Variants in FGF10 observed in about 807,000 individuals in gnomAD.
The protein encoded by FGF10 is fibroblast growth factor 10, also known as FGF-10.
A neutral mutation model predicts 19.8 loss-of-function variants in FGF10; 2 were observed. The ratio of observed to expected loss-of-function variants is 0.10; its 90% CI spans 0.04 to 0.32. The LOEUF is 0.32. Among genes scored for constraint, FGF10 ranks in the 10% least tolerant of loss-of-function variants. FGF10 has a pLI of 1.00. For synonymous variants in FGF10, 112 were observed against 94.0 expected, an observed-to-expected ratio of 1.19 and a Z score of -1.10; for missense variants, 191 against 246.3, an observed-to-expected ratio of 0.78 and a Z score of 1.50.
intron 1 of FGF10, among the ~76,000 whole-genome samples, chr5:44,380,211 T>G (rs1292908002): frequency 6.6e-6 from 1 of 152,202 alleles, no homozygotes; most frequent in African/African-American, 2.4e-5. Context: ...AATTCTTCTT[T>G]TAATAATTCT....
chr5:44,364,313 T>C (rs749150720), intron 1 of FGF10, among the ~76,000 whole-genome samples: 1 of 151,862 alleles, frequency 6.6e-6, no homozygotes, highest in African/African-American at 2.4e-5. Context: ...AGCAATCTTA[T>C]GTATATTAAC....
At chr5:44,327,758 C>A (rs148511874) in intron 1 of FGF10, among the ~76,000 whole-genome samples, 14 of 152,316 alleles carry the variant, frequency 9.2e-5, no homozygotes, top group African/African-American at 2.6e-4. Context: ...AGCACAAATT[C>A]TTTTCTGTAT....
intron 1 of FGF10, among the ~76,000 whole-genome samples, chr5:44,340,629 T>G (rs1174103214): frequency 6.6e-6 from 1 of 151,998 alleles, no homozygotes; most frequent in African/African-American, 2.4e-5. Context: ...GTTGTTGGTT[T>G]TCACTTTAGG....
chr5:44,304,750 T>C lies in FGF10; in HGVS notation c.*245A>G. 1 of 463,428 alleles carries C rather than the reference T, an allele frequency of 2.2e-6. No homozygotes were observed. The highest frequency in any genetic ancestry group is 3.9e-6 in the Non-Finnish European group (1 of 256,584). 28.7% of individuals were successfully genotyped at this position (463,428 alleles called of 1,614,324 possible). Reference sequence around the variant, plus strand: ...AAAACCCAGCCACAATGTTTTTCACTTGGGAATAACTTCTATCCCATTCGA... The same window carrying C: ...AAAACCCAGCCACAATGTTTTTCACCTGGGAATAACTTCTATCCCATTCGA... On this transcript the variant is annotated 3_prime_UTR_variant, in exon 3 of 3. Transcript: ENST00000264664.
At chr5:44,327,042 G>T (rs1256288297) in intron 1 of FGF10, among the ~76,000 whole-genome samples, 1 of 152,094 alleles carries the variant, frequency 6.6e-6, no homozygotes, top group Non-Finnish European at 1.5e-5. Flanking sequence ...CCCTTCCAGG[G>T]TAGGCAGGAC....
At chr5:44,371,609 A>G (rs1003358569) in intron 1 of FGF10, among the ~76,000 whole-genome samples, 2 of 152,168 alleles carry the variant, frequency 1.3e-5, no homozygotes, top group African/African-American at 4.8e-5. Flanking sequence ...GCCCAAAGGA[A>G]AAACAGGCTA....
intron 1 of FGF10, among the ~76,000 whole-genome samples, chr5:44,315,465 A>G (rs1373884476): frequency 6.6e-6 from 1 of 152,132 alleles, no homozygotes; most frequent in African/African-American, 2.4e-5. Flanking sequence ...GGTGGCCACT[A>G]GCTAAAACTA....
At position 44,341,495 on chromosome 5, in the gene FGF10, A is replaced by G. The variant is rs1053788028; in HGVS notation, c.326-30965T>C. Among the ~76,000 whole-genome samples, 3 of 117,272 alleles carry G rather than the reference A, an allele frequency of 2.6e-5. No individual in the cohort carries two copies. In the South Asian group the frequency reaches 8.0e-4, roughly 31 times the overall value. 76.9% of individuals were successfully genotyped at this position (117,272 alleles called of 152,430 possible). A position where few individuals can be genotyped will look rare whatever the true frequency, so the allele number is the denominator to read the frequency against. On this transcript the variant is annotated intron_variant, in intron 1 of 2. Coordinates refer to ENST00000264664, the MANE Select transcript of FGF10 (RefSeq NM_004465.2). The stretch of plus-strand genomic sequence containing the variant: ...TTCCATAATTCACTGCCTTGTTATT[A>G]AAAAAAAAACATAAACCTGATGAGT...
chr5:44,349,485 TATCA>T lies in FGF10; in HGVS notation c.325+38869_325+38872del, dbSNP rs1168390957. ...ATATATATATCAGAATATATATATA[TATCA>T]GAATATATATATATGTGTGTGTGTA... On this transcript the variant is annotated intron_variant, in intron 1 of 2. Transcript: ENST00000264664. Among the ~76,000 whole-genome samples, 25 of 86,828 alleles carry T rather than the reference TATCA, an allele frequency of 2.9e-4. 1 individual carries two copies. The highest frequency in any genetic ancestry group is 2.6e-3 in the East Asian group (8 of 3,082). The allele number at this position is 86,828 out of a possible 152,430, so 57.0% of individuals were successfully genotyped here.
chr5:44,378,695 T>C (rs1353453017), intron 1 of FGF10, among the ~76,000 whole-genome samples: 3 of 152,192 alleles, frequency 2.0e-5, no homozygotes, highest in Non-Finnish European at 2.9e-5. Flanking sequence ...CCTCCAAAAG[T>C]GCTGGGATTA....
chr5:44,357,799 T>TATAGCCAAATA (rs1243543128), intron 1 of FGF10, among the ~76,000 whole-genome samples: 2 of 151,494 alleles, frequency 1.3e-5, no homozygotes, highest in Non-Finnish European at 3.0e-5. Flanking sequence ...TATAGCTAAG[T>TATAGCCAAATA]ATAGCCAAAT....
chr5:44,333,413 A>T (rs1740781380), intron 1 of FGF10, among the ~76,000 whole-genome samples: 1 of 152,190 alleles, frequency 6.6e-6, no homozygotes, highest in Non-Finnish European at 1.5e-5. Flanking sequence ...CAGCAGTGGC[A>T]TTTTGTCATG....
chr5:44,389,052 A>G lies in FGF10; in HGVS notation c.-370T>C. Reference sequence around the variant, plus strand: ...TTTCTTCACCATGTTAGATGCCAAAAAGGTCTGAAAAACAGATGACAGCAC... The same window carrying G: ...TTTCTTCACCATGTTAGATGCCAAAGAGGTCTGAAAAACAGATGACAGCAC... On this transcript the variant is annotated 5_prime_UTR_variant, in exon 1 of 3. Transcript: ENST00000264664. 2.9e-6 allele frequency: 1 copy of G among 348,316 alleles called. No homozygotes were observed. Among genetic ancestry groups the G allele is most frequent in the South Asian group, 2.7e-5 (1 of 36,818 alleles). 21.6% of individuals were successfully genotyped at this position (348,316 alleles called of 1,614,324 possible).
chr5:44,318,903 G>A (rs1740417646), intron 1 of FGF10, among the ~76,000 whole-genome samples: 1 of 152,170 alleles, frequency 6.6e-6, no homozygotes, highest in Non-Finnish European at 1.5e-5. Flanking sequence ...ATTTTAGTGA[G>A]AAAAGTTCAG....
At chr5:44,325,111 GC>G (rs1740580157) in intron 1 of FGF10, among the ~76,000 whole-genome samples, 2 of 152,156 alleles carry the variant, frequency 1.3e-5, no homozygotes, top group Non-Finnish European at 2.9e-5. Context: ...AGGCATTTAT[GC>G]AGCCAAAAGA....
intron 1 of FGF10, among the ~76,000 whole-genome samples, chr5:44,382,007 T>C (rs1265988793): frequency 1.3e-5 from 2 of 152,210 alleles, no homozygotes; most frequent in East Asian, 3.8e-4. Flanking sequence ...GCCAAAACTT[T>C]GAAAATTATT....
At position 44,333,353 on chromosome 5, in the gene FGF10, A is replaced by G. The variant is rs142903379; in HGVS notation, c.326-22823T>C. Among the ~76,000 whole-genome samples the G allele has an allele frequency of 3.1e-3, 479 of 152,268 alleles. 4 individuals carry two copies. Among genetic ancestry groups the G allele is most frequent in the Middle Eastern group, 0.027 (8 of 292 alleles). On this transcript the variant is annotated intron_variant, in intron 1 of 2. Transcript: ENST00000264664. Reference sequence around the variant, plus strand: ...TTAGCAACAAAAACCTGTATGTTCAAAGCACTGTTCTGAGTACTGAGAATA... The same window carrying G: ...TTAGCAACAAAAACCTGTATGTTCAGAGCACTGTTCTGAGTACTGAGAATA...
At position 44,385,719 on chromosome 5, in the gene FGF10, G is replaced by T. The variant is rs572822169; in HGVS notation, c.325+2639C>A. On this transcript the variant is annotated intron_variant, in intron 1 of 2. Coordinates refer to ENST00000264664, the MANE Select transcript of FGF10 (RefSeq NM_004465.2). ...CAAGCTACCATTTGGTGGACAGCTG[G>T]CTGGCTACCCTGTAGGCATGGTAAA... 2.6e-5 allele frequency among the ~76,000 whole-genome samples: 4 copies of T among 152,242 alleles called. No homozygotes were observed. In the South Asian group the frequency reaches 8.3e-4, roughly 32 times the overall value.
chr5:44,335,004 T>A (rs1352233800), intron 1 of FGF10, among the ~76,000 whole-genome samples: 1 of 152,132 alleles, frequency 6.6e-6, no homozygotes, highest in South Asian at 2.1e-4. Context: ...TAAAAAGATA[T>A]AATATTGTAT....
Sources: gnomAD v4.1 joint callset for allele counts (sites outside exome capture counted in the v4.1 genomes callset) on GRCh38, gnomAD v4.1.1 for gene constraint, MANE v1.5 for transcripts, NCBI Gene and HGNC (gene_info 2026-07-23, HGNC 2026-07-21) for gene names.